HAGHL: variants seen among roughly 807,000 people sequenced by gnomAD.
The protein encoded by HAGHL is hydroxyacylglutathione hydrolase-like protein.
In HAGHL, 27 loss-of-function variants were observed where a neutral mutation model predicts 29.2. That is an observed-to-expected ratio of 0.92 (90% CI 0.68 to 1.27). The LOEUF (loss-of-function observed/expected upper bound fraction) is 1.27, where lower values mean the gene tolerates loss of function less well. HAGHL is among the 50% of genes most tolerant of loss of function. The pLI is 0.00. For synonymous variants in HAGHL, 223 were observed against 185.7 expected (o/e 1.20, Z -1.63); for missense variants, 529 against 405.5 (o/e 1.30, Z -2.62).
rs1217894960 is a variant in HAGHL at position 729,458 on chromosome 16, C to T, written c.*2C>T. 33 of 1,538,562 alleles carry T rather than the reference C, an allele frequency of 2.1e-5. No homozygotes were observed. The Admixed American group carries it at 6.2e-4, about 29-fold the overall frequency. ...CTGAGTGCAGCCCCACACGACTGAGCCACCCAGACCCTCACAGGGCTGGGG... is the reference window on the plus strand; with the variant it reads ...CTGAGTGCAGCCCCACACGACTGAGTCACCCAGACCCTCACAGGGCTGGGG... On this transcript the variant is annotated 3_prime_UTR_variant, in exon 8 of 8. Coordinates refer to ENST00000389703, the MANE Select transcript of HAGHL (RefSeq NM_032304.4).
At position 729,351 on chromosome 16, in the gene HAGHL, C is replaced by G; in HGVS notation, c.744C>G (p.Cys248Trp). Reference protein sequence around the residue: ...AVPADVLEALCKERARFEQAG... With the variant: ...AVPADVLEALWKERARFEQAG... The stretch of plus-strand genomic sequence containing the variant: ...CCGCCGACGTCCTGGAGGCGCTATG[C>G]AAGGAGCGGGCGCGCTTCGAACAGG... Residue 248 changes from cysteine (C) to tryptophan (W), a missense_variant, in exon 8 of 8, where the codon TGC (cysteine) becomes TGG (tryptophan). By Grantham distance (215) the Cys-to-Trp change is radical. Transcript: ENST00000389703. The G allele has an allele frequency of 6.5e-7, 1 of 1,533,380 alleles. No homozygotes were observed. Among genetic ancestry groups the G allele is most frequent in the Non-Finnish European group, 8.8e-7 (1 of 1,141,252 alleles). The allele number at this position is 1,533,380 out of a possible 1,614,324, so 95.0% of individuals were successfully genotyped here.
At chr16:729,241 C>T in intron 7 of HAGHL, 47 bp from the exon 8 acceptor site, 3 of 1,534,234 alleles carry the variant, frequency 2.0e-6, no homozygotes, top group Non-Finnish European at 2.6e-6. Context: ...GCGCCATGCT[C>T]CCGCGTGGGC....
At chr16:727,778 C>T in intron 1 of HAGHL, 164 bp downstream of exon 1, 1 of 738,864 alleles carries the variant, frequency 1.4e-6, no homozygotes, top group Non-Finnish European at 2.2e-6. Flanking sequence ...CACCTCTGGC[C>T]TCCGCCCTTT....
rs1173234015 is a variant in HAGHL at position 728,325 on chromosome 16, AT to A, written c.299del (p.Ile100ThrfsTer7). The A allele has an allele frequency of 6.4e-7, 1 of 1,557,372 alleles. No homozygotes were observed. Among genetic ancestry groups the A allele is most frequent in the Non-Finnish European group, 8.7e-7 (1 of 1,156,056 alleles). On this transcript the variant is annotated frameshift_variant, in exon 4 of 8. Transcript: ENST00000389703. LOFTEE classifies it high-confidence loss of function. Reference protein sequence around the residue: ...AHGEELRFGAIHVRCLLTPGH... With the variant: ...AHGEELRFGAXHVRCLLTPGH... Reference sequence around the variant, plus strand: ...TGCTCCTCCGCCGCAGTTCGGGGCCATCCACGTGCGTTGCCTCCTGACGCCC... The same window carrying A: ...TGCTCCTCCGCCGCAGTTCGGGGCCACCACGTGCGTTGCCTCCTGACGCCC...
In HAGHL at chr16:728,367, C is replaced by G. The variant is rs2041163194; in HGVS notation, c.340C>G (p.His114Asp). 6 of 1,579,974 alleles carry G rather than the reference C, an allele frequency of 3.8e-6. No individual in the cohort carries two copies. The East Asian group carries it at 1.4e-4, about 36-fold the overall frequency. Residue 114 changes from histidine to aspartate, a missense_variant, in exon 4 of 8, where the codon CAC becomes GAC. Coordinates refer to ENST00000389703, the MANE Select transcript of HAGHL (RefSeq NM_032304.4). ...CCTGACGCCCGGCCACACCGCCGGC[C>G]ACATGAGCTACTTCCTGTGGGAGGA... is the stretch of plus-strand genomic sequence containing the variant. The part of the protein sequence containing the change: ...CLLTPGHTAG[H>D]MSYFLWEDDC...
At chr16:728,959 G>A (rs752881769) in intron 6 of HAGHL, 50 bp from the exon 7 acceptor site, 5 of 851,972 alleles carry the variant, frequency 5.9e-6, no homozygotes, top group South Asian at 1.4e-5. Flanking sequence ...CGGGGTGGGG[G>A]GGGCTCTCAG....
Position 729,564 on chromosome 16 carries a change from C to G in HAGHL, c.*108C>G. The G allele has an allele frequency of 2.0e-6, 3 of 1,532,382 alleles. No homozygotes were observed. The highest frequency in any genetic ancestry group is 2.6e-6 in the Non-Finnish European group (3 of 1,145,656). 94.9% of individuals were successfully genotyped at this position (1,532,382 alleles called of 1,614,324 possible). On this transcript the variant is annotated 3_prime_UTR_variant, in exon 8 of 8. Coordinates refer to ENST00000389703, the MANE Select transcript of HAGHL (RefSeq NM_032304.4). ...GAACCTTCTTCGAGGCCCTGGCCAG[C>G]CATCTGCCCAGCCTCGGAGGGTGGG... is the stretch of plus-strand genomic sequence containing the variant.
In HAGHL at chr16:729,450, C is replaced by G; in HGVS notation, c.843C>G (p.His281Gln). 6.5e-7 allele frequency: 1 copy of G among 1,538,760 alleles called. No homozygotes were observed. The highest frequency in any genetic ancestry group is 8.7e-7 in the Non-Finnish European group (1 of 1,145,706). The change falls in exon 8 of 8, where the codon CAC becomes CAG. Residue 281 changes from histidine (H) to glutamine (Q), a missense_variant. Transcript: ENST00000389703. ...GGGGGCTCCTGAGTGCAGCCCCACA[C>G]GACTGAGCCACCCAGACCCTCACAG... ...LQWGLLSAAP[H>Q]D
chr16:729,416 C>T lies in HAGHL; in HGVS notation c.809C>T (p.Ala270Val). 3.3e-6 allele frequency: 5 copies of T among 1,532,130 alleles called. No individual in the cohort carries two copies. Among genetic ancestry groups the T allele is most frequent in the Non-Finnish European group, 4.4e-6 (5 of 1,142,876 alleles). 94.9% of individuals were successfully genotyped at this position (1,532,130 alleles called of 1,614,324 possible). A position where few individuals can be genotyped will look rare whatever the true frequency, so the allele number is the denominator to read the frequency against. ...PRQPQARALL[A>V]LQWGLLSAAP... ...CAGCCACAGGCGCGGGCCCTCCTTGCGCTGCAGTGGGGGCTCCTGAGTGCA... is the reference window on the plus strand; with the variant it reads ...CAGCCACAGGCGCGGGCCCTCCTTGTGCTGCAGTGGGGGCTCCTGAGTGCA... The change falls in exon 8 of 8, where the codon GCG becomes GTG. Residue 270 changes from alanine to valine, a missense_variant. Transcript: ENST00000389703.
chr16:729,161 T>C (rs1056883454), intron 7 of HAGHL, 73 bp downstream of exon 7: 1 of 1,584,074 alleles, frequency 6.3e-7, no homozygotes, highest in African/African-American at 1.3e-5. Flanking sequence ...GACTGCGTGT[T>C]GGGCTGAGTG....
Position 728,610 on chromosome 16 carries a change from C to T in HAGHL, c.498+6C>T, listed in dbSNP as rs1426507795. On this transcript the variant is annotated splice_donor_region_variant and intron_variant, in intron 5 of 7. Coordinates refer to ENST00000389703, the MANE Select transcript of HAGHL (RefSeq NM_032304.4). The stretch of plus-strand genomic sequence containing the variant: ...GTACCCTGCCCCCCGAGACGGTGAG[C>T]GGGCCTGGGCCCTCCCCTCTTCTCC... 9.6e-6 allele frequency: 14 copies of T among 1,454,700 alleles called. No homozygotes were observed. Among genetic ancestry groups the T allele is most frequent in the South Asian group, 1.3e-5 (1 of 76,332 alleles). 90.1% of individuals were successfully genotyped at this position (1,454,700 alleles called of 1,614,324 possible).
chr16:729,191 A>T, intron 7 of HAGHL, 97 bp from the exon 8 acceptor site: 8 of 1,565,304 alleles, frequency 5.1e-6, no homozygotes, highest in Non-Finnish European at 6.9e-6. Flanking sequence ...GGCTTGGGGG[A>T]GGCTGCTCAT....
Position 728,556 on chromosome 16 carries a change from G to T in HAGHL, c.450G>T (p.Gln150His). 1 of 1,526,172 alleles carries T rather than the reference G, an allele frequency of 6.6e-7. No individual in the cohort carries two copies. The highest frequency in any genetic ancestry group is 1.4e-5 in the African/African-American group (1 of 72,830). The allele number at this position is 1,526,172 out of a possible 1,614,324, so 94.5% of individuals were successfully genotyped here. A position where few individuals can be genotyped will look rare whatever the true frequency, so the allele number is the denominator to read the frequency against. ...GCGSCLEGSA[Q>H]QMYQSLAELG... Reference sequence around the variant, plus strand: ...GCTCGTGCCTGGAGGGCAGCGCCCAGCAGATGTACCAGAGCCTGGCCGAGC... The same window carrying T: ...GCTCGTGCCTGGAGGGCAGCGCCCATCAGATGTACCAGAGCCTGGCCGAGC... The change falls in exon 5 of 8, where the codon CAG becomes CAT. Residue 150 changes from glutamine to histidine, a missense_variant. Physicochemically the swap from Gln to His is conservative, Grantham distance 24. Transcript: ENST00000389703.
Position 727,206 on chromosome 16 carries a change from G to T in HAGHL, c.-304G>T, listed in dbSNP as rs541654695. ...GGGTCTTGCGGCGGCAGGGCGGGGG[G>T]CCGAGGGGCGGGGCCTGGGAGGAAG... On this transcript the variant is annotated 5_prime_UTR_variant, in exon 1 of 8. Transcript: ENST00000389703. The T allele has an allele frequency of 3.4e-6, 1 of 290,874 alleles. No individual in the cohort carries two copies. The highest frequency in any genetic ancestry group is 5.4e-5 in the Admixed American group (1 of 18,660). 18.0% of individuals were successfully genotyped at this position (290,874 alleles called of 1,614,324 possible).
At position 729,099 on chromosome 16, in the gene HAGHL, C is replaced by G. The variant is rs755380740; in HGVS notation, c.680+11C>G. The G allele has an allele frequency of 2.5e-6, 4 of 1,607,214 alleles. No individual in the cohort carries two copies. The East Asian group carries it at 8.9e-5, about 36-fold the overall frequency. ...CTTCCTGCGGGTGGCGTGAGTATGG[C>G]TGTTGTCCCGGGGCCTCCACCGTTA... On this transcript the variant is annotated intron_variant, in intron 7 of 7. Coordinates refer to ENST00000389703, the MANE Select transcript of HAGHL (RefSeq NM_032304.4).
intron 6 of HAGHL, 43 bp downstream of exon 6, chr16:728,938 G>C: frequency 1.7e-6 from 1 of 605,652 alleles, no homozygotes; most frequent in Non-Finnish European, 2.9e-6. Flanking sequence ...GGGGGGGGAG[G>C]GAACAGGCTT....
Position 728,154 on chromosome 16 carries a change from G to A in HAGHL, c.209G>A (p.Arg70His). Residue 70 changes from arginine (R) to histidine (H), a missense_variant, in exon 3 of 8, where the codon CGT becomes CAT. Physicochemically the swap from Arg to His is conservative, Grantham distance 29. Transcript: ENST00000389703. ...ARGNPELARL[R>H]PGLAVLGADE... Reference sequence around the variant, plus strand: ...GGAAACCCGGAGCTGGCGCGGCTTCGTCCCGGGCTGGCGGTGCTGGGCGCG... The same window carrying A: ...GGAAACCCGGAGCTGGCGCGGCTTCATCCCGGGCTGGCGGTGCTGGGCGCG... The A allele has an allele frequency of 2.7e-6, 4 of 1,471,966 alleles. No individual in the cohort carries two copies. The East Asian group carries it at 8.6e-5, about 32-fold the overall frequency. The allele number at this position is 1,471,966 out of a possible 1,614,324, so 91.2% of individuals were successfully genotyped here.
rs1406815 is a variant in HAGHL, at chr16:728,158, C to G, written c.213C>G (p.Pro71=). ...RGNPELARLR[P]GLAVLGADER... ...ACCCGGAGCTGGCGCGGCTTCGTCC[C>G]GGGCTGGCGGTGCTGGGCGCGGACG... The change falls in exon 3 of 8, where the codon CCC becomes CCG. Residue 71 remains proline, a synonymous_variant. Coordinates refer to ENST00000389703, the MANE Select transcript of HAGHL (RefSeq NM_032304.4). The G allele has an allele frequency of 0.25, 372,609 of 1,467,258 alleles. 56,670 individuals carry two copies. Among genetic ancestry groups the G allele is most frequent in the East Asian group, 0.77 (26,768 of 34,616 alleles). 90.9% of individuals were successfully genotyped at this position (1,467,258 alleles called of 1,614,324 possible). A position where few individuals can be genotyped will look rare whatever the true frequency, so the allele number is the denominator to read the frequency against.
In HAGHL at chr16:728,280, C is replaced by T. The variant is rs1004872968; in HGVS notation, c.289-36C>T. 3.3e-6 allele frequency: 5 copies of T among 1,515,740 alleles called. No homozygotes were observed. In the Admixed American group the frequency reaches 8.0e-5, roughly 24 times the overall value. 93.9% of individuals were successfully genotyped at this position (1,515,740 alleles called of 1,614,324 possible). ...GGGCGGGGAGGGCGCCCCGGGTCCA[C>T]CCGCCCTCACAGGTCCGCCTGCTCC... On this transcript the variant is annotated intron_variant, in intron 3 of 7. Coordinates refer to ENST00000389703, the MANE Select transcript of HAGHL (RefSeq NM_032304.4).
Sources: allele counts gnomAD v4.1 joint callset, GRCh38; gene constraint gnomAD v4.1.1; transcripts MANE v1.5; gene names NCBI Gene and HGNC (gene_info 2026-07-23, HGNC 2026-07-21).